The following PTPRD variants were observed in gnomAD, a reference collection of about 807,000 sequenced individuals.
PTPRD encodes the protein receptor-type tyrosine-protein phosphatase delta.
PTPRD carries 34 observed loss-of-function variants against 214.5 expected under a neutral mutation model. The observed-to-expected ratio is 0.16, with a 90% CI of 0.12 to 0.21. PTPRD has a LOEUF of 0.21. Among genes scored for constraint, PTPRD ranks in the 10% least tolerant of loss-of-function variants. The pLI is 1.00. For synonymous variants in PTPRD, 1,128 were observed against 845.7 expected, an observed-to-expected ratio of 1.33 and a Z score of -5.79; for missense variants, 2,545 against 2,398.7, an observed-to-expected ratio of 1.06 and a Z score of -1.27.
intron 9 of PTPRD, among the ~76,000 whole-genome samples, chr9:9,378,638 A>C (rs1462981967): frequency 1.3e-5 from 2 of 152,130 alleles, no homozygotes; most frequent in Non-Finnish European, 2.9e-5. Context: ...ACTAGTAATG[A>C]AGCAGAATTC....
chr9:9,551,282 C>T (rs1414874248), intron 8 of PTPRD, among the ~76,000 whole-genome samples: 2 of 151,842 alleles, frequency 1.3e-5, no homozygotes, highest in Non-Finnish European at 2.9e-5. Flanking sequence ...ATAAAGCTGA[C>T]AAACGGAGGT....
chr9:9,895,050 G>T (rs375331214), intron 5 of PTPRD, among the ~76,000 whole-genome samples: 55 of 152,148 alleles, frequency 3.6e-4, no homozygotes, highest in African/African-American at 1.2e-3. Flanking sequence ...TGTAAACAAT[G>T]CCTACATATT....
chr9:10,187,057 G>C lies in PTPRD; in HGVS notation c.-544-153267C>G, dbSNP rs867517748. 2.6e-5 allele frequency among the ~76,000 whole-genome samples: 4 copies of C among 152,206 alleles called. 1 individual carries two copies. In the Middle Eastern group the frequency reaches 0.01, roughly 388 times the overall value. On this transcript the variant is annotated intron_variant, in intron 3 of 45. Transcript: ENST00000381196. Reference sequence around the variant, plus strand: ...TTTGCTTTTTAAGAAATCAACATAAGAAAAATTCTAACATGTTTTATTCAA... The same window carrying C: ...TTTGCTTTTTAAGAAATCAACATAACAAAAATTCTAACATGTTTTATTCAA...
chr9:8,966,206 C>G (rs1182314708), intron 11 of PTPRD, among the ~76,000 whole-genome samples: 3 of 151,974 alleles, frequency 2.0e-5, no homozygotes, highest in African/African-American at 7.2e-5. Flanking sequence ...AATGCTATTC[C>G]TATCAAATTT....
chr9:10,502,395 T>C (rs2044072974), intron 2 of PTPRD, among the ~76,000 whole-genome samples: 1 of 151,970 alleles, frequency 6.6e-6, no homozygotes, highest in African/African-American at 2.4e-5. Flanking sequence ...AACCCAAGAA[T>C]CACATAAATA....
intron 10 of PTPRD, among the ~76,000 whole-genome samples, chr9:9,084,058 T>G (rs532672477): frequency 2.0e-5 from 3 of 152,160 alleles, no homozygotes; most frequent in Middle Eastern, 3.2e-3. Flanking sequence ...TCTGGGTATA[T>G]ACCCAAAGGA....
chr9:10,557,965 C>A (rs1282344197), intron 2 of PTPRD, among the ~76,000 whole-genome samples: 1 of 152,182 alleles, frequency 6.6e-6, no homozygotes, highest in South Asian at 2.1e-4. Flanking sequence ...AAGAGCCCAA[C>A]ACATGTGCTC....
chr9:9,589,819 G>C (rs1339048148), intron 7 of PTPRD, among the ~76,000 whole-genome samples: 1 of 152,018 alleles, frequency 6.6e-6, no homozygotes, highest in Non-Finnish European at 1.5e-5. Flanking sequence ...AGTAGTGATT[G>C]TTGTCATTAG....
chr9:9,802,620 C>T (rs2099048200), intron 5 of PTPRD, among the ~76,000 whole-genome samples: 1 of 151,612 alleles, frequency 6.6e-6, no homozygotes, highest in Non-Finnish European at 1.5e-5. Context: ...ACTCATATCA[C>T]ACAAAGCCCA....
rs555936556 is a variant in PTPRD, at chr9:9,672,244, C to A, written c.-287+62289G>T. 2.6e-5 allele frequency among the ~76,000 whole-genome samples: 4 copies of A among 152,106 alleles called. No individual in the cohort carries two copies. The East Asian group carries it at 7.7e-4, about 29-fold the overall frequency. On this transcript the variant is annotated intron_variant, in intron 7 of 45. Transcript: ENST00000381196. Reference sequence around the variant, plus strand: ...TTTTCTGAAAACAGTAAATTTTTAGCAAATTCTATCATCTAAAGACTATTT... The same window carrying A: ...TTTTCTGAAAACAGTAAATTTTTAGAAAATTCTATCATCTAAAGACTATTT...
chr9:8,514,794 A>G lies in PTPRD; in HGVS notation c.1543+3054T>C, dbSNP rs572821705. ...GATTAGGCTCTGCGTCCCCACCCAA[A>G]TCTCTTCTCAAACTGTAATCCCCAT... On this transcript the variant is annotated intron_variant, in intron 21 of 45. Coordinates refer to ENST00000381196, the MANE Select transcript of PTPRD (RefSeq NM_002839.4). Among the ~76,000 whole-genome samples the G allele has an allele frequency of 3.9e-5, 6 of 152,154 alleles. No homozygotes were observed. In the East Asian group the frequency reaches 9.7e-4, roughly 25 times the overall value.
intron 3 of PTPRD, among the ~76,000 whole-genome samples, chr9:10,323,181 T>G (rs2154428881): frequency 6.6e-6 from 1 of 150,594 alleles, no homozygotes; most frequent in South Asian, 2.1e-4. Context: ...TCTCTTTCTT[T>G]TCTTTTTCTT....
intron 8 of PTPRD, among the ~76,000 whole-genome samples, chr9:9,490,513 T>C (rs1382310556): frequency 2.0e-5 from 3 of 152,074 alleles, no homozygotes; most frequent in Non-Finnish European, 2.9e-5. Context: ...TTAAGAGGCA[T>C]TTCAAAGAAT....
At chr9:10,557,514 T>C (rs987074024) in intron 2 of PTPRD, among the ~76,000 whole-genome samples, 6 of 152,274 alleles carry the variant, frequency 3.9e-5, no homozygotes, top group African/African-American at 1.4e-4. Context: ...GATCCAGCTT[T>C]CCCATAACTT....
intron 3 of PTPRD, among the ~76,000 whole-genome samples, chr9:10,257,383 G>GAAAAA (rs1359897811): frequency 6.6e-6 from 1 of 152,102 alleles, no homozygotes. Flanking sequence ...GCTCCCAGGG[G>GAAAAA]CTATGGCAAA....
chr9:9,397,132 A>G (rs144501360), intron 9 of PTPRD, among the ~76,000 whole-genome samples: 125 of 152,138 alleles, frequency 8.2e-4, no homozygotes, highest in Non-Finnish European at 1.5e-3. Context: ...TAAAAACTAT[A>G]AAGTATTTCT....
chr9:9,094,713 T>C (rs1350166129), intron 10 of PTPRD, among the ~76,000 whole-genome samples: 1 of 152,146 alleles, frequency 6.6e-6, no homozygotes, highest in South Asian at 2.1e-4. Context: ...TAGGCCCAGA[T>C]GGCTTCCCTA....
intron 8 of PTPRD, among the ~76,000 whole-genome samples, chr9:9,471,736 A>G (rs2094600257): frequency 6.6e-6 from 1 of 151,634 alleles, no homozygotes; most frequent in South Asian, 2.1e-4. Context: ...ATTTTTCTTT[A>G]CACAAACTTT....
At chr9:9,330,510 G>C (rs930514326) in intron 9 of PTPRD, among the ~76,000 whole-genome samples, 1 of 151,876 alleles carries the variant, frequency 6.6e-6, no homozygotes, top group Non-Finnish European at 1.5e-5. Flanking sequence ...AAAAAAACTT[G>C]TATTTAATGT....
Sources: allele counts gnomAD v4.1 joint callset (sites outside exome capture counted in the v4.1 genomes callset), GRCh38; gene constraint gnomAD v4.1.1; transcripts MANE v1.5; gene names NCBI Gene and HGNC (gene_info 2026-07-23, HGNC 2026-07-21).